Variants in GALNT13 observed in about 807,000 individuals in gnomAD.
The protein encoded by GALNT13 is polypeptide N-acetylgalactosaminyltransferase 13.
In GALNT13, 28 loss-of-function variants were observed where a neutral mutation model predicts 64.2. The ratio of observed to expected loss-of-function variants is 0.44; its 90% CI spans 0.32 to 0.60. The LOEUF (loss-of-function observed/expected upper bound fraction) is 0.60. Among genes scored for constraint, GALNT13 ranks in the 20% least tolerant of loss-of-function variants. The pLI is 0.05. For synonymous variants in GALNT13, 214 were observed against 224.6 expected, an observed-to-expected ratio of 0.95 and a Z score of 0.42; for missense variants, 577 against 669.8, an observed-to-expected ratio of 0.86 and a Z score of 1.53.
At chr2:154,360,048 T>C (rs1696975708) in intron 9 of GALNT13, among the ~76,000 whole-genome samples, 1 of 152,106 alleles carries the variant, frequency 6.6e-6, no homozygotes, top group Non-Finnish European at 1.5e-5. Context: ...TTGTAGCAAA[T>C]GTCCTGGAAA....
At chr2:154,378,326 G>A (rs749038066) in intron 9 of GALNT13, among the ~76,000 whole-genome samples, 16 of 152,150 alleles carry the variant, frequency 1.1e-4, no homozygotes, top group Non-Finnish European at 1.8e-4. Flanking sequence ...TTTGAGATGT[G>A]CAGCCTTGTG....
At chr2:153,833,707 G>A in the GALNT13 span, among the ~76,000 whole-genome samples, 122,494 of 151,976 alleles carry the variant, frequency 0.81, 50,181 homozygotes, top group Admixed American at 0.86. Context: ...GACAAGGGAA[G>A]ACTACTTTAT....
chr2:153,364,851 C>G, the GALNT13 span, among the ~76,000 whole-genome samples: 2 of 152,134 alleles, frequency 1.3e-5, no homozygotes, highest in Non-Finnish European at 2.9e-5. Context: ...CATCAAACTA[C>G]CATTGACATT....
At chr2:153,460,906 T>C in the GALNT13 span, among the ~76,000 whole-genome samples, 1 of 152,142 alleles carries the variant, frequency 6.6e-6, no homozygotes, top group Non-Finnish European at 1.5e-5. Flanking sequence ...TTCCATAATA[T>C]TCTGTTTAAA....
At chr2:154,217,742 A>G (rs1688120865) in intron 4 of GALNT13, among the ~76,000 whole-genome samples, 1 of 152,218 alleles carries the variant, frequency 6.6e-6, no homozygotes, top group Admixed American at 6.6e-5. Flanking sequence ...TATAGTTATA[A>G]AAAGAAAATA....
intron 3 of GALNT13, among the ~76,000 whole-genome samples, chr2:153,970,203 C>T (rs1426599570): frequency 1.3e-5 from 2 of 152,214 alleles, no homozygotes; most frequent in Non-Finnish European, 2.9e-5. Context: ...AGCTTCTTTT[C>T]ACCATGACTT....
chr2:153,568,393 A>C, the GALNT13 span, among the ~76,000 whole-genome samples: 1 of 152,128 alleles, frequency 6.6e-6, no homozygotes, highest in Non-Finnish European at 1.5e-5. Flanking sequence ...CAAAGCTGCT[A>C]TTCTGTATAT....
chr2:153,257,044 C>T, the GALNT13 span, among the ~76,000 whole-genome samples: 23 of 152,346 alleles, frequency 1.5e-4, no homozygotes, highest in African/African-American at 5.0e-4. Flanking sequence ...GGCGCCCCTC[C>T]GCCAGCCTCG....
the GALNT13 span, among the ~76,000 whole-genome samples, chr2:153,665,052 A>G: frequency 3.3e-5 from 5 of 152,200 alleles, no homozygotes; most frequent in African/African-American, 4.8e-5. Flanking sequence ...ATACCTGTCT[A>G]GTTTCTACTT....
the GALNT13 span, among the ~76,000 whole-genome samples, chr2:153,351,564 T>C: frequency 7.4e-6 from 1 of 135,994 alleles, no homozygotes; most frequent in East Asian, 1.9e-4. Context: ...TCCATTCTTT[T>C]AGAATCATAG....
chr2:153,187,956 C>T, the GALNT13 span, among the ~76,000 whole-genome samples: 3 of 152,078 alleles, frequency 2.0e-5, no homozygotes, highest in South Asian at 2.1e-4. Context: ...TAATTTACCA[C>T]ATTAATACTA....
chr2:154,314,108 G>A (rs547243689), intron 9 of GALNT13, among the ~76,000 whole-genome samples: 18 of 152,236 alleles, frequency 1.2e-4, no homozygotes, highest in East Asian at 1.2e-3. Flanking sequence ...GGAGTACTAC[G>A]TCTGAATTAA....
the GALNT13 span, among the ~76,000 whole-genome samples, chr2:153,152,771 G>T: frequency 6.6e-6 from 1 of 152,080 alleles, no homozygotes; most frequent in Non-Finnish European, 1.5e-5. Flanking sequence ...GTATTCCTTG[G>T]TGTATATGTA....
At chr2:153,863,104 ACTT>A in the GALNT13 span, among the ~76,000 whole-genome samples, 2 of 152,090 alleles carry the variant, frequency 1.3e-5, no homozygotes, top group South Asian at 4.1e-4. Context: ...AATACCTTCT[ACTT>A]CTTCTCTGTT....
the GALNT13 span, among the ~76,000 whole-genome samples, chr2:153,744,033 C>T: frequency 6.6e-6 from 1 of 152,096 alleles, no homozygotes; most frequent in Non-Finnish European, 1.5e-5. Flanking sequence ...AAGAGTACTC[C>T]AATCCATTAT....
chr2:154,147,628 A>G (rs1683694570), intron 4 of GALNT13, among the ~76,000 whole-genome samples: 1 of 152,068 alleles, frequency 6.6e-6, no homozygotes, highest in East Asian at 1.9e-4. Context: ...CATCATAGGT[A>G]AACAGGTATG....
chr2:154,098,341 TTA>T (rs1702179226), intron 3 of GALNT13, among the ~76,000 whole-genome samples: 1 of 151,924 alleles, frequency 6.6e-6, no homozygotes, highest in Admixed American at 6.6e-5. Context: ...TTTGAATGGA[TTA>T]TTTTTTTTTC....
chr2:153,770,646 C>T, the GALNT13 span, among the ~76,000 whole-genome samples: 2 of 152,194 alleles, frequency 1.3e-5, no homozygotes, highest in African/African-American at 2.4e-5. Context: ...CAAGTATATA[C>T]CCATCTACAT....
At chr2:154,261,113 G>A (rs1690670941) in intron 8 of GALNT13, among the ~76,000 whole-genome samples, 1 of 152,054 alleles carries the variant, frequency 6.6e-6, no homozygotes, top group Non-Finnish European at 1.5e-5. Flanking sequence ...ATGTAACAGA[G>A]GTATAAATGT....
Sources: gnomAD v4.1 joint callset for allele counts (sites outside exome capture counted in the v4.1 genomes callset) on GRCh38, gnomAD v4.1.1 for gene constraint, MANE v1.5 for transcripts, NCBI Gene and HGNC (gene_info 2026-07-23, HGNC 2026-07-21) for gene names.